Variants in CDC42EP1 observed in about 807,000 individuals in gnomAD.
CDC42EP1 encodes CDC42 effector protein 1.
A neutral mutation model predicts 7.4 loss-of-function variants in CDC42EP1; 6 were observed. That is an observed-to-expected ratio of 0.81 (90% CI 0.44 to 1.60). CDC42EP1 has a LOEUF of 1.60. CDC42EP1 is among the 40% of genes most tolerant of loss of function. The probability of loss-of-function intolerance (pLI) is 0.01; values close to 1 mark genes in which losing one functional copy is unlikely to be tolerated. For missense variants in CDC42EP1, 567 were observed against 539.0 expected, an observed-to-expected ratio of 1.05 and a Z score of -0.51; for synonymous variants, 238 against 227.1, an observed-to-expected ratio of 1.05 and a Z score of -0.43.
intron 2 of CDC42EP1, 82 bp from the exon 3 acceptor site, chr22:37,568,026 A>C: frequency 8.0e-7 from 1 of 1,245,696 alleles, no homozygotes; most frequent in Non-Finnish European, 1.1e-6. Context: ...GCCACACAGC[A>C]AGCCAGGACT....
intron 1 of CDC42EP1, among the ~76,000 whole-genome samples, chr22:37,561,544 C>G (rs568585372): frequency 5.3e-5 from 8 of 152,376 alleles, no homozygotes; most frequent in East Asian, 1.9e-4. Context: ...CTAGCTACCC[C>G]GTTCTGGCCT....
intron 1 of CDC42EP1, among the ~76,000 whole-genome samples, chr22:37,565,082 A>G (rs1925180990): frequency 6.6e-6 from 1 of 151,930 alleles, no homozygotes; most frequent in Non-Finnish European, 1.5e-5. Flanking sequence ...CCAGCCCCTC[A>G]GGAGTATTGT....
chr22:37,564,105 C>T (rs1357908666), intron 1 of CDC42EP1, among the ~76,000 whole-genome samples: 2 of 152,280 alleles, frequency 1.3e-5, no homozygotes, highest in East Asian at 3.9e-4. Context: ...GATCTGACCT[C>T]TAGCCAGCTT....
rs1264169683 is a variant in CDC42EP1, at chr22:37,568,616, C to A, written c.972C>A (p.Gly324=). The A allele has an allele frequency of 6.3e-7, 1 of 1,591,858 alleles. No individual in the cohort carries two copies. The highest frequency in any genetic ancestry group is 1.1e-5 in the South Asian group (1 of 88,332). Residue 324 remains glycine, a synonymous_variant, in exon 3 of 3, where the codon GGC becomes GGA. Transcript: ENST00000249014. ...CCCTCGGCAGGCACTGGGGAGCAGGCTGGGATGGCGGCCACCACTACCCAG... is the reference window on the plus strand; with the variant it reads ...CCCTCGGCAGGCACTGGGGAGCAGGATGGGATGGCGGCCACCACTACCCAG... The part of the protein sequence containing the change: ...GPALGRHWGA[G]WDGGHHYPEM...
At chr22:37,562,175 G>A (rs1390221848) in intron 1 of CDC42EP1, among the ~76,000 whole-genome samples, 2 of 152,158 alleles carry the variant, frequency 1.3e-5, no homozygotes, top group South Asian at 2.1e-4. Flanking sequence ...ATTCCCCATC[G>A]TCTTCACCCC....
intron 2 of CDC42EP1, among the ~76,000 whole-genome samples, chr22:37,567,562 G>A (rs575003801): frequency 6.6e-6 from 1 of 152,308 alleles, no homozygotes; most frequent in East Asian, 1.9e-4. Context: ...GAACCGCACT[G>A]AGGACTGGTC....
chr22:37,562,914 C>T lies in CDC42EP1; in HGVS notation c.-279+2326C>T, dbSNP rs527414317. Reference sequence around the variant, plus strand: ...CTTGAGTTCAGGAATTTGAGACCAACCTGGGCAATGGAGTGAGACCCTGTC... The same window carrying T: ...CTTGAGTTCAGGAATTTGAGACCAATCTGGGCAATGGAGTGAGACCCTGTC... On this transcript the variant is annotated intron_variant, in intron 1 of 2. Coordinates refer to ENST00000249014, the MANE Select transcript of CDC42EP1 (RefSeq NM_152243.3). Among the ~76,000 whole-genome samples the T allele has an allele frequency of 2.6e-5, 4 of 152,176 alleles. No individual in the cohort carries two copies. The East Asian group carries it at 7.7e-4, about 29-fold the overall frequency.
At chr22:37,560,824 G>A (rs1484198371) in intron 1 of CDC42EP1, among the ~76,000 whole-genome samples, 4 of 152,044 alleles carry the variant, frequency 2.6e-5, no homozygotes, top group African/African-American at 4.8e-5. Context: ...AGGGGGCAGA[G>A]GATCGGACAC....
Position 37,566,403 on chromosome 22 carries a change from C to T in CDC42EP1, c.54C>T (p.Leu18=). 2 of 1,596,746 alleles carry T rather than the reference C, an allele frequency of 1.3e-6. No individual in the cohort carries two copies. Among genetic ancestry groups the T allele is most frequent in the Non-Finnish European group, 1.7e-6 (2 of 1,170,734 alleles). ...CCGCCACCATGAGCCTGGGCAAGCT[C>T]TCGCCTGTGGGCTGGGTGTCCAGTT... ...RGAATMSLGK[L]SPVGWVSSSQ... is the part of the protein sequence containing the mutation. Residue 18 remains leucine, a synonymous_variant, in exon 2 of 3, where the codon CTC becomes CTT. Coordinates refer to ENST00000249014, the MANE Select transcript of CDC42EP1 (RefSeq NM_152243.3). The surrounding 1 kb of genome is among the most constrained non-coding windows in gnomAD (Gnocchi z 6.4).
Position 37,567,458 on chromosome 22 carries a change from C to T in CDC42EP1, c.463+646C>T, listed in dbSNP as rs894127943. 3.9e-5 allele frequency among the ~76,000 whole-genome samples: 6 copies of T among 152,292 alleles called. No individual in the cohort carries two copies. The East Asian group carries it at 5.8e-4, about 15-fold the overall frequency. ...TGCCACCTTGGCCGTTCGGTCAGAG[C>T]TCACCTGAGAACCATGGGCCCCTGC... On this transcript the variant is annotated intron_variant, in intron 2 of 2. Transcript: ENST00000249014.
chr22:37,566,711 C>G lies in CDC42EP1; in HGVS notation c.362C>G (p.Ser121Cys), dbSNP rs1925260779. The G allele has an allele frequency of 1.2e-6, 2 of 1,612,554 alleles. No homozygotes were observed. Among genetic ancestry groups the G allele is most frequent in the African/African-American group, 1.3e-5 (1 of 74,892 alleles). ...TCCCCCATCATCAAGAACGCCATCT[C>G]CCTGCCCCAGCTCAACCAGGCCGCC... ...AISPIIKNAI[S>C]LPQLNQAAYD... The change falls in exon 2 of 3, where the codon TCC becomes TGC. Residue 121 changes from serine to cysteine, a missense_variant. Physicochemically the swap from Ser to Cys is moderately radical, Grantham distance 112 (BLOSUM62 -1). Transcript: ENST00000249014. This position sits in a 1 kb window ranked among gnomAD's most constrained non-coding sequence, Gnocchi z 6.4.
Position 37,568,368 on chromosome 22 carries a change from G to A in CDC42EP1, c.724G>A (p.Ala242Thr). Residue 242 changes from alanine (A) to threonine (T), a missense_variant, in exon 3 of 3, where the codon GCT becomes ACT. Physicochemically the swap from Ala to Thr is moderately conservative, Grantham distance 58. Transcript: ENST00000249014. ...PAPTANPTGP[A>T]ANPPATTANP... ...CCCTACTGCAAACCCCACGGGTCCT[G>A]CTGCAAACCCCCCAGCCACTACTGC... 6.5e-7 allele frequency: 1 copy of A among 1,535,068 alleles called. No homozygotes were observed. Among genetic ancestry groups the A allele is most frequent in the Non-Finnish European group, 8.8e-7 (1 of 1,130,906 alleles).
chr22:37,566,410 G>A lies in CDC42EP1; in HGVS notation c.61G>A (p.Val21Met). The change falls in exon 2 of 3, where the codon GTG (valine) becomes ATG (methionine). Residue 21 changes from valine to methionine, a missense_variant. By Grantham distance (21) the Val-to-Met change is conservative (BLOSUM62 1). Coordinates refer to ENST00000249014, the MANE Select transcript of CDC42EP1 (RefSeq NM_152243.3). The surrounding 1 kb of genome is among the most constrained non-coding windows in gnomAD (Gnocchi z 6.4). ...ATMSLGKLSP[V>M]GWVSSSQGKR... ...CATGAGCCTGGGCAAGCTCTCGCCT[G>A]TGGGCTGGGTGTCCAGTTCACAGGG... 1.2e-6 allele frequency: 2 copies of A among 1,602,392 alleles called. No individual in the cohort carries two copies. Among genetic ancestry groups the A allele is most frequent in the Non-Finnish European group, 1.7e-6 (2 of 1,174,270 alleles).
chr22:37,562,823 G>A (rs1925095014), intron 1 of CDC42EP1, among the ~76,000 whole-genome samples: 1 of 152,136 alleles, frequency 6.6e-6, no homozygotes, highest in Non-Finnish European at 1.5e-5. Flanking sequence ...AAGAAGTCAG[G>A]GAGGCCAGGT....
At position 37,568,936 on chromosome 22, in the gene CDC42EP1, C is replaced by G. The variant is rs1039927537; in HGVS notation, c.*116C>G. On this transcript the variant is annotated 3_prime_UTR_variant, in exon 3 of 3. Transcript: ENST00000249014. ...GTCATGTTGCCCCTAAACCCCTCCC[C>G]ACCTCTGCAGGACAGACATGGGAGG... The G allele has an allele frequency of 1.4e-5, 9 of 635,618 alleles. No individual in the cohort carries two copies. Among genetic ancestry groups the G allele is most frequent in the African/African-American group, 1.3e-4 (7 of 53,370 alleles). 39.4% of individuals were successfully genotyped at this position (635,618 alleles called of 1,614,324 possible).
In CDC42EP1 at chr22:37,566,235, G is replaced by A. The variant is rs1229993557; in HGVS notation, c.-115G>A. On this transcript the variant is annotated 5_prime_UTR_variant, in exon 2 of 3. Coordinates refer to ENST00000249014, the MANE Select transcript of CDC42EP1 (RefSeq NM_152243.3). This position sits in a 1 kb window ranked among gnomAD's most constrained non-coding sequence, Gnocchi z 6.4. ...TTTGGGGACCTCACCTTAGGAGAGT[G>A]CCATTTACAGCTTCCGCCAGGGCAA... 6.4e-6 allele frequency: 4 copies of A among 623,854 alleles called. No individual in the cohort carries two copies. Among genetic ancestry groups the A allele is most frequent in the South Asian group, 2.1e-5 (1 of 48,680 alleles). The allele number at this position is 623,854 out of a possible 1,614,324, so 38.6% of individuals were successfully genotyped here.
At chr22:37,561,500 G>C (rs916133653) in intron 1 of CDC42EP1, among the ~76,000 whole-genome samples, 1 of 152,208 alleles carries the variant, frequency 6.6e-6, no homozygotes, top group Non-Finnish European at 1.5e-5. Context: ...CTTGGAATAC[G>C]GAGGACCGGG....
intron 2 of CDC42EP1, among the ~76,000 whole-genome samples, chr22:37,567,584 G>T (rs553883755): frequency 6.6e-6 from 1 of 152,282 alleles, no homozygotes; most frequent in East Asian, 1.9e-4. Flanking sequence ...ACAGAAACCC[G>T]ATTCTGTCTC....
chr22:37,568,348 C>A lies in CDC42EP1; in HGVS notation c.704C>A (p.Thr235Asn). ...PAPAANPPAP[T>N]ANPTGPAANP... ...CCCGCTGCAAACCCCCCAGCCCCTA[C>A]TGCAAACCCCACGGGTCCTGCTGCA... Residue 235 changes from threonine to asparagine, a missense_variant, in exon 3 of 3, where the codon ACT (threonine) becomes AAT (asparagine). Physicochemically the swap from Thr to Asn is moderately conservative, Grantham distance 65 (BLOSUM62 0). Coordinates refer to ENST00000249014, the MANE Select transcript of CDC42EP1 (RefSeq NM_152243.3). The A allele has an allele frequency of 6.2e-7, 1 of 1,603,700 alleles. No homozygotes were observed. Among genetic ancestry groups the A allele is most frequent in the South Asian group, 1.1e-5 (1 of 90,700 alleles).
Sources: gnomAD v4.1 joint callset for allele counts (sites outside exome capture counted in the v4.1 genomes callset) on GRCh38, gnomAD v4.1.1 for gene constraint, Gnocchi (gnomAD v3.1) non-coding constraint, MANE v1.5 for transcripts, NCBI Gene and HGNC (gene_info 2026-07-23, HGNC 2026-07-21) for gene names.